The following PUS7 variants were observed in gnomAD, a reference collection of about 807,000 sequenced individuals.
PUS7 encodes the protein pseudouridylate synthase 7 homolog.
Under a neutral mutation model 79.8 loss-of-function variants are expected in PUS7, and 48 were observed. The ratio of observed to expected loss-of-function variants is 0.60; its 90% CI spans 0.48 to 0.76. The LOEUF (loss-of-function observed/expected upper bound fraction) is 0.76, where lower values mean the gene tolerates loss of function less well. Ranked by LOEUF, PUS7 falls within the 30% of genes least tolerant of loss-of-function variation. The probability of loss-of-function intolerance (pLI) is 0.00; values close to 1 mark genes in which losing one functional copy is unlikely to be tolerated. For missense variants in PUS7, 729 were observed against 797.6 expected, an observed-to-expected ratio of 0.91 and a Z score of 1.04; for synonymous variants, 286 against 272.2, an observed-to-expected ratio of 1.05 and a Z score of -0.50.
At position 105,495,124 on chromosome 7, in the gene PUS7, A is replaced by G. The variant is rs370237661; in HGVS notation, c.842+18T>C. On this transcript the variant is annotated intron_variant, in intron 6 of 15. Coordinates refer to ENST00000469408, the MANE Select transcript of PUS7 (RefSeq NM_019042.5). ...TCTGTTGCTTTGATTTTGTATAGGC[A>G]TAACAACAGTAACTCACCTTAAGTA... 1.1e-4 allele frequency: 162 copies of G among 1,445,308 alleles called. 2 individuals carry two copies. The African/African-American group carries it at 1.7e-3, about 15-fold the overall frequency. 89.5% of individuals were successfully genotyped at this position (1,445,308 alleles called of 1,614,324 possible).
intron 6 of PUS7, 150 bp downstream of exon 6, chr7:105,494,992 A>AT: frequency 4.7e-6 from 2 of 425,246 alleles, no homozygotes; most frequent in East Asian, 4.1e-5. Flanking sequence ...AAAAAAAAAA[A>AT]GAAAGAAAGA....
At chr7:105,489,213 T>A (rs1405495524) in intron 7 of PUS7, among the ~76,000 whole-genome samples, 1 of 151,734 alleles carries the variant, frequency 6.6e-6, no homozygotes, top group African/African-American at 2.4e-5. Context: ...GACTTTTTTT[T>A]TTTAATCAGA....
chr7:105,510,874 G>T (rs1411162427), intron 1 of PUS7, among the ~76,000 whole-genome samples: 1 of 152,076 alleles, frequency 6.6e-6, no homozygotes, highest in Non-Finnish European at 1.5e-5. Flanking sequence ...TTACATACAA[G>T]ATGCTGAAGG....
At chr7:105,458,767 GT>G (rs1823295459) in intron 15 of PUS7, among the ~76,000 whole-genome samples, 1 of 151,638 alleles carries the variant, frequency 6.6e-6, no homozygotes, top group Non-Finnish European at 1.5e-5. Context: ...TAGAGACGGG[GT>G]TTCACCGTGG....
At chr7:105,463,256 G>A (rs1324570838) in intron 13 of PUS7, among the ~76,000 whole-genome samples, 1 of 152,122 alleles carries the variant, frequency 6.6e-6, no homozygotes, top group African/African-American at 2.4e-5. Flanking sequence ...GTCATTAATG[G>A]GGAAATACTT....
chr7:105,510,034 C>T (rs1451148131), intron 1 of PUS7, among the ~76,000 whole-genome samples: 5 of 152,128 alleles, frequency 3.3e-5, no homozygotes, highest in African/African-American at 9.7e-5. Context: ...GGATCGGTGG[C>T]TCACACCTGT....
intron 1 of PUS7, among the ~76,000 whole-genome samples, chr7:105,514,013 G>A (rs1243474865): frequency 7.5e-6 from 1 of 133,484 alleles, no homozygotes; most frequent in African/African-American, 2.7e-5. Flanking sequence ...GCCGGATCAC[G>A]AAGTCAGGAG....
intron 4 of PUS7, among the ~76,000 whole-genome samples, chr7:105,504,821 A>T (rs1825390373): frequency 2.0e-5 from 3 of 152,082 alleles, no homozygotes; most frequent in Admixed American, 2.0e-4. Flanking sequence ...GTAATGGAAG[A>T]TTTCTAACAT....
intron 9 of PUS7, among the ~76,000 whole-genome samples, chr7:105,475,775 A>G (rs1195163946): frequency 6.6e-6 from 1 of 152,096 alleles, no homozygotes; most frequent in Non-Finnish European, 1.5e-5. Flanking sequence ...GGCAACCATC[A>G]TCACTGTCTA....
At chr7:105,485,991 G>C (rs1277051649) in intron 7 of PUS7, among the ~76,000 whole-genome samples, 8 of 151,948 alleles carry the variant, frequency 5.3e-5, no homozygotes, top group Non-Finnish European at 1.5e-5. Context: ...GGGATTACCG[G>C]CGTGAGCCAC....
At chr7:105,504,183 C>T (rs1170608909) in intron 4 of PUS7, among the ~76,000 whole-genome samples, 1 of 140,246 alleles carries the variant, frequency 7.1e-6, no homozygotes, top group Non-Finnish European at 1.6e-5. Flanking sequence ...GATTCTCCCG[C>T]CTCAGCCTCC....
intron 14 of PUS7, 106 bp from the exon 15 acceptor site, chr7:105,459,365 A>G: frequency 1.7e-6 from 1 of 605,618 alleles, no homozygotes; most frequent in Non-Finnish European, 2.7e-6. Flanking sequence ...AGTTTACTGT[A>G]AATAATTATA....
intron 13 of PUS7, among the ~76,000 whole-genome samples, chr7:105,463,155 CT>C (rs1014735677): frequency 1.4e-4 from 21 of 152,154 alleles, no homozygotes; most frequent in African/African-American, 4.8e-4. Context: ...AATAAGAGAC[CT>C]TGGAAAACCA....
chr7:105,518,105 G>A (rs932019043), intron 1 of PUS7, among the ~76,000 whole-genome samples: 2 of 150,174 alleles, frequency 1.3e-5, no homozygotes, highest in Admixed American at 6.6e-5. Context: ...CCGAGATTGC[G>A]CCACTGCACT....
chr7:105,503,017 C>T (rs1311774143), intron 4 of PUS7, among the ~76,000 whole-genome samples: 2 of 152,172 alleles, frequency 1.3e-5, no homozygotes, highest in Non-Finnish European at 1.5e-5. Flanking sequence ...TATTTCAGAG[C>T]TTCCCAATAT....
chr7:105,458,577 T>C (rs1462677969), intron 15 of PUS7, among the ~76,000 whole-genome samples: 1 of 148,788 alleles, frequency 6.7e-6, no homozygotes, highest in Non-Finnish European at 1.5e-5. Flanking sequence ...ACCAATTTTT[T>C]TTTTTTTTTT....
intron 1 of PUS7, among the ~76,000 whole-genome samples, chr7:105,517,166 C>CTTTTTTTTTTT (rs1289590315): frequency 1.4e-5 from 2 of 146,626 alleles, no homozygotes; most frequent in African/African-American, 2.4e-5. Flanking sequence ...CTTCACATTT[C>CTTTTTTTTTTT]TTTTTTTGGC....
intron 1 of PUS7, among the ~76,000 whole-genome samples, chr7:105,511,135 C>G (rs1327642765): frequency 8.2e-6 from 1 of 121,354 alleles, no homozygotes; most frequent in East Asian, 2.0e-4. Flanking sequence ...AGGTTCACAC[C>G]ATTCTCCTGC....
intron 1 of PUS7, among the ~76,000 whole-genome samples, chr7:105,519,322 T>C (rs1826015229): frequency 6.6e-6 from 1 of 151,372 alleles, no homozygotes; most frequent in Non-Finnish European, 1.5e-5. Context: ...CAATCTCCAC[T>C]TCCAGCGTTC....
Sources: allele counts gnomAD v4.1 joint callset (sites outside exome capture counted in the v4.1 genomes callset), GRCh38; gene constraint gnomAD v4.1.1; transcripts MANE v1.5; gene names NCBI Gene and HGNC (gene_info 2026-07-23, HGNC 2026-07-21).